Variants in CWH43 observed in about 807,000 individuals in gnomAD.
CWH43 encodes cell wall biogenesis 43 C-terminal homolog, also known as PGAP2-interacting protein.
Under a neutral mutation model 85.7 loss-of-function variants are expected in CWH43, and 91 were observed. That is an observed-to-expected ratio of 1.06 (90% CI 0.90 to 1.26). The LOEUF (loss-of-function observed/expected upper bound fraction) is 1.26. CWH43 is among the 50% of genes most tolerant of loss of function. The pLI is 0.00. For missense variants in CWH43, 869 were observed against 839.2 expected, an observed-to-expected ratio of 1.04 and a Z score of -0.44; for synonymous variants, 323 against 293.6, an observed-to-expected ratio of 1.10 and a Z score of -1.02.
chr4:49,048,203 C>T (rs1005565322), intron 14 of CWH43, among the ~76,000 whole-genome samples: 32 of 152,062 alleles, frequency 2.1e-4, no homozygotes, highest in Admixed American at 2.0e-3. Context: ...TTTATAGTAA[C>T]TGGTACCCAT....
At position 49,003,797 on chromosome 4, in the gene CWH43, G is replaced by T; in HGVS notation, c.865G>T (p.Val289Phe). Residue 289 changes from valine to phenylalanine, a missense_variant, in exon 7 of 16, where the codon GTC becomes TTC. By Grantham distance (50) the Val-to-Phe change is conservative (BLOSUM62 -1). Transcript: ENST00000226432. Reference sequence around the variant, plus strand: ...ATGGGCAGCTGCTGTGTCTGGCTGTGTCTTCGCCATCTTTACTGCATCCAT... The same window carrying T: ...ATGGGCAGCTGCTGTGTCTGGCTGTTTCTTCGCCATCTTTACTGCATCCAT... Reference protein sequence around the residue: ...HTWAAAVSGCVFAIFTASMWP... With the variant: ...HTWAAAVSGCFFAIFTASMWP... 1 of 1,614,010 alleles carries T rather than the reference G, an allele frequency of 6.2e-7. No individual in the cohort carries two copies. The highest frequency in any genetic ancestry group is 8.5e-7 in the Non-Finnish European group (1 of 1,179,942).
rs546128570 is a variant in CWH43, at chr4:49,061,984, A to T, written c.*94A>T. ...GATTAATGAAAGTGGGAAAATACACATGAAGAACCTCAACTTAAAAAACAC... is the reference window on the plus strand; with the variant it reads ...GATTAATGAAAGTGGGAAAATACACTTGAAGAACCTCAACTTAAAAAACAC... On this transcript the variant is annotated 3_prime_UTR_variant, in exon 16 of 16. Transcript: ENST00000226432. The T allele has an allele frequency of 4.1e-6, 4 of 979,444 alleles. No homozygotes were observed. Among genetic ancestry groups the T allele is most frequent in the Middle Eastern group, 2.5e-4 (1 of 3,992 alleles). 60.7% of individuals were successfully genotyped at this position (979,444 alleles called of 1,614,324 possible).
chr4:49,032,643 C>CA lies in CWH43; in HGVS notation c.1587dup (p.Ala530SerfsTer7), dbSNP rs1784133726. On this transcript the variant is annotated frameshift_variant, in exon 12 of 16. Transcript: ENST00000226432. LOFTEE classifies it high-confidence loss of function. ...CCGTCACCAGAGGGCGAGATCGCAC[C>CA]AGCCATCACATTGACCGTTAACATT... 6.2e-7 allele frequency: 1 copy of CA among 1,613,902 alleles called. No individual in the cohort carries two copies. The highest frequency in any genetic ancestry group is 1.7e-5 in the Admixed American group (1 of 59,968).
At chr4:49,058,135 G>A (rs548157319) in intron 15 of CWH43, among the ~76,000 whole-genome samples, 2 of 152,178 alleles carry the variant, frequency 1.3e-5, no homozygotes, top group South Asian at 4.2e-4. Context: ...GCCATTTAAA[G>A]AATTGTTTTC....
chr4:49,002,273 A>G lies in CWH43; in HGVS notation c.803-1462A>G, dbSNP rs557812140. Among the ~76,000 whole-genome samples, 4 of 152,294 alleles carry G rather than the reference A, an allele frequency of 2.6e-5. No individual in the cohort carries two copies. In the South Asian group the frequency reaches 8.3e-4, roughly 32 times the overall value. ...GATGTTCATCACACTGTTGTTTTAA[A>G]AGCTTGACATAGGAACCTTCACAAA... On this transcript the variant is annotated intron_variant, in intron 6 of 15. Coordinates refer to ENST00000226432, the MANE Select transcript of CWH43 (RefSeq NM_025087.3).
chr4:49,020,416 C>CATAT lies in CWH43; in HGVS notation c.1266+3098_1266+3101dup, dbSNP rs1553915061. Among the ~76,000 whole-genome samples, 256 of 128,144 alleles carry CATAT rather than the reference C, an allele frequency of 2.0e-3. 4 individuals are homozygous for CATAT. The highest frequency in any genetic ancestry group is 2.9e-3 in the South Asian group (11 of 3,854). The allele number at this position is 128,144 out of a possible 152,430, so 84.1% of individuals were successfully genotyped here. A position where few individuals can be genotyped will look rare whatever the true frequency, so the allele number is the denominator to read the frequency against. ...ACACACACACACACACACACACACACATATATATATATAAATCATATTTTC... is the reference window on the plus strand; with the variant it reads ...ACACACACACACACACACACACACACATATATATATATATATAAATCATATTTTC... On this transcript the variant is annotated intron_variant, in intron 9 of 15. Transcript: ENST00000226432.
chr4:48,998,651 A>G, intron 6 of CWH43, 103 bp downstream of exon 6: 1 of 855,224 alleles, frequency 1.2e-6, no homozygotes, highest in South Asian at 1.4e-5. Flanking sequence ...CCATACAAAT[A>G]TGTACTGTGG....
At chr4:49,040,297 T>G (rs1784416776) in intron 13 of CWH43, among the ~76,000 whole-genome samples, 1 of 152,252 alleles carries the variant, frequency 6.6e-6, no homozygotes, top group Admixed American at 6.5e-5. Flanking sequence ...TATTTCTAGT[T>G]CTAGATTCCT....
chr4:49,034,399 A>G (rs1027705255), intron 12 of CWH43, among the ~76,000 whole-genome samples: 16 of 152,092 alleles, frequency 1.1e-4, no homozygotes, highest in African/African-American at 3.1e-4. Flanking sequence ...ACTCTCTCCA[A>G]TATATCCCAA....
At chr4:49,054,898 T>G (rs1475125262) in intron 15 of CWH43, among the ~76,000 whole-genome samples, 1 of 151,988 alleles carries the variant, frequency 6.6e-6, no homozygotes, top group Non-Finnish European at 1.5e-5. Context: ...TTTTCAGTTT[T>G]TTTCAGTGGA....
chr4:48,999,357 C>T (rs774859453), intron 6 of CWH43, among the ~76,000 whole-genome samples: 10 of 152,140 alleles, frequency 6.6e-5, no homozygotes, highest in Non-Finnish European at 1.3e-4. Flanking sequence ...CATGTCTTTG[C>T]TACTGTGAAT....
intron 9 of CWH43, among the ~76,000 whole-genome samples, chr4:49,020,416 C>CACACACATATATATATAT (rs140534523): frequency 7.8e-6 from 1 of 128,340 alleles, no homozygotes; most frequent in African/African-American, 2.7e-5. Context: ...CACACACACA[C>CACACACATATATATATAT]ATATATATAT....
At chr4:48,994,963 T>A in intron 5 of CWH43, 143 bp downstream of exon 5, 2 of 768,152 alleles carry the variant, frequency 2.6e-6, no homozygotes, top group Non-Finnish European at 4.5e-6. Flanking sequence ...ATGAAATTAT[T>A]GTGTGCTCTG....
chr4:49,047,669 A>G (rs1784668842), intron 14 of CWH43, among the ~76,000 whole-genome samples: 1 of 150,746 alleles, frequency 6.6e-6, no homozygotes, highest in Non-Finnish European at 1.5e-5. Context: ...GTGGGGCTGG[A>G]GAGGGTTGGG....
rs544253999 is a variant in CWH43 at position 49,014,977 on chromosome 4, T to A, written c.1187-2272T>A. On this transcript the variant is annotated intron_variant, in intron 8 of 15. Transcript: ENST00000226432. Reference sequence around the variant, plus strand: ...ATGTATAATTACATAGATCCCTCAGTGCGGTATCATACAGAATACTTTCTC... The same window carrying A: ...ATGTATAATTACATAGATCCCTCAGAGCGGTATCATACAGAATACTTTCTC... Among the ~76,000 whole-genome samples the A allele has an allele frequency of 2.0e-3, 299 of 152,272 alleles. 1 individual carries two copies. The highest frequency in any genetic ancestry group is 6.8e-3 in the African/African-American group (283 of 41,570).
At chr4:49,034,293 A>G (rs990539999) in intron 12 of CWH43, among the ~76,000 whole-genome samples, 1 of 152,232 alleles carries the variant, frequency 6.6e-6, no homozygotes, top group Non-Finnish European at 1.5e-5. Flanking sequence ...CTTTAAAAAA[A>G]ATAATACTTT....
In CWH43 at chr4:49,016,178, A is replaced by G. The variant is rs184586239; in HGVS notation, c.1187-1071A>G. On this transcript the variant is annotated intron_variant, in intron 8 of 15. Coordinates refer to ENST00000226432, the MANE Select transcript of CWH43 (RefSeq NM_025087.3). ...ACATGTCACACATGAAAATTAACCG[A>G]AGAACTACACATTTCCCCTTTGCAC... 1.5e-3 allele frequency among the ~76,000 whole-genome samples: 223 copies of G among 152,084 alleles called. 1 individual carries two copies. The highest frequency in any genetic ancestry group is 5.2e-3 in the African/African-American group (217 of 41,474).
chr4:49,010,131 T>C (rs1029381164), intron 8 of CWH43, among the ~76,000 whole-genome samples: 24 of 152,228 alleles, frequency 1.6e-4, no homozygotes, highest in African/African-American at 5.3e-4. Flanking sequence ...TGGTAGGCTG[T>C]TAATTATTGC....
chr4:49,030,827 G>T lies in CWH43; in HGVS notation c.1375G>T (p.Ala459Ser). ...RSAHLLNETG[A>S]DFITILESDA... The stretch of plus-strand genomic sequence containing the variant: ...GCTACTTTTTTTTTTCTGAACAGGT[G>T]CAGATTTCATAACAATTTTGGAGAG... Residue 459 changes from alanine (A) to serine (S), a missense_variant and splice_region_variant, in exon 11 of 16, where the codon GCA (alanine) becomes TCA (serine). Physicochemically the swap from Ala to Ser is moderately conservative, Grantham distance 99 (BLOSUM62 1). Transcript: ENST00000226432. The T allele has an allele frequency of 6.4e-7, 1 of 1,568,692 alleles. No individual in the cohort carries two copies. The highest frequency in any genetic ancestry group is 8.6e-7 in the Non-Finnish European group (1 of 1,164,366).
Sources: gnomAD v4.1 joint callset for allele counts (sites outside exome capture counted in the v4.1 genomes callset) on GRCh38, gnomAD v4.1.1 for gene constraint, MANE v1.5 for transcripts, NCBI Gene and HGNC (gene_info 2026-07-23, HGNC 2026-07-21) for gene names.